Variants in CADPS observed in about 807,000 individuals in gnomAD.
CADPS encodes calcium dependent secretion activator.
In CADPS, 57 loss-of-function variants were observed where a neutral mutation model predicts 167.3. The observed-to-expected ratio is 0.34, with a 90% CI of 0.28 to 0.42. The LOEUF is 0.42. CADPS is among the 20% of genes least tolerant of loss of function. The probability of loss-of-function intolerance (pLI) is 1.00; values close to 1 mark genes in which losing one functional copy is unlikely to be tolerated. For synonymous variants in CADPS, 676 were observed against 635.3 expected, an observed-to-expected ratio of 1.06 and a Z score of -0.96; for missense variants, 1,414 against 1,738.1, an observed-to-expected ratio of 0.81 and a Z score of 3.32.
intron 11 of CADPS, among the ~76,000 whole-genome samples, chr3:62,540,419 G>A (rs2075491145): frequency 6.6e-6 from 1 of 151,986 alleles, no homozygotes; most frequent in Non-Finnish European, 1.5e-5. Flanking sequence ...AGAGGAGCCA[G>A]GTCCTCAGGA....
At chr3:62,491,557 AAACACACACACACACACAC>A in intron 20 of CADPS, 77 bp from the exon 21 acceptor site, 1 of 911,812 alleles carries the variant, frequency 1.1e-6, no homozygotes, top group Non-Finnish European at 1.6e-6. Context: ...ACACACACAC[AAACACACACACACACACAC>A]ACACACACAG....
chr3:62,495,030 T>C (rs1015747519), intron 18 of CADPS, among the ~76,000 whole-genome samples: 1 of 152,150 alleles, frequency 6.6e-6, no homozygotes, highest in Non-Finnish European at 1.5e-5. Flanking sequence ...CTACGATCTA[T>C]AGAGAACTTC....
chr3:62,708,117 G>A (rs532766374), intron 3 of CADPS, among the ~76,000 whole-genome samples: 1 of 151,924 alleles, frequency 6.6e-6, no homozygotes, highest in Non-Finnish European at 1.5e-5. Flanking sequence ...TAGAGGTGAA[G>A]TCTCACCTGT....
intron 24 of CADPS, among the ~76,000 whole-genome samples, chr3:62,470,133 A>C (rs1192664202): frequency 6.6e-6 from 1 of 152,234 alleles, no homozygotes; most frequent in Non-Finnish European, 1.5e-5. Context: ...TTTTAATGAA[A>C]AAAATAAATA....
chr3:62,595,752 G>T lies in CADPS; in HGVS notation c.1326-3004C>A, dbSNP rs538652450. On this transcript the variant is annotated intron_variant, in intron 6 of 29. Transcript: ENST00000383710. ...AGGATACAAAGTACTAATCCTGGGTGTGTTTGTGTGGGTGTTGCCAAAAGA... is the reference window on the plus strand; with the variant it reads ...AGGATACAAAGTACTAATCCTGGGTTTGTTTGTGTGGGTGTTGCCAAAAGA... Among the ~76,000 whole-genome samples the T allele has an allele frequency of 5.3e-5, 8 of 152,326 alleles. No individual in the cohort carries two copies. In the South Asian group the frequency reaches 1.7e-3, roughly 32 times the overall value.
intron 4 of CADPS, among the ~76,000 whole-genome samples, chr3:62,659,801 A>G (rs1048548700): frequency 2.0e-5 from 3 of 152,208 alleles, no homozygotes; most frequent in African/African-American, 7.2e-5. Context: ...AGTTAGCTAT[A>G]TAGCAAGGGG....
intron 3 of CADPS, among the ~76,000 whole-genome samples, chr3:62,752,316 T>C (rs1428851606): frequency 1.3e-5 from 2 of 152,238 alleles, no homozygotes; most frequent in African/African-American, 4.8e-5. Context: ...AAAAAACCTT[T>C]CATCTCCAGA....
intron 17 of CADPS, among the ~76,000 whole-genome samples, chr3:62,501,881 C>T (rs2065827838): frequency 6.6e-6 from 1 of 152,212 alleles, no homozygotes; most frequent in Non-Finnish European, 1.5e-5. Context: ...TGTGCATGTG[C>T]ATGCAGCCAT....
intron 9 of CADPS, among the ~76,000 whole-genome samples, chr3:62,565,623 C>T (rs1243813692): frequency 6.6e-6 from 1 of 152,206 alleles, no homozygotes; most frequent in Non-Finnish European, 1.5e-5. Flanking sequence ...GACACTCTCT[C>T]ATTGCACAGG....
At chr3:62,740,863 G>A (rs1470904162) in intron 3 of CADPS, among the ~76,000 whole-genome samples, 6 of 152,110 alleles carry the variant, frequency 3.9e-5, no homozygotes, top group African/African-American at 7.2e-5. Context: ...AGGTTACATC[G>A]ATAATAAATA....
chr3:62,411,601 C>A (rs1034988296), intron 28 of CADPS, among the ~76,000 whole-genome samples: 9 of 152,208 alleles, frequency 5.9e-5, no homozygotes, highest in African/African-American at 9.7e-5. Flanking sequence ...ACACTTCCAC[C>A]AAAGTCCCTG....
At chr3:62,636,511 C>G (rs2066334945) in intron 6 of CADPS, among the ~76,000 whole-genome samples, 1 of 152,152 alleles carries the variant, frequency 6.6e-6, no homozygotes, top group Admixed American at 6.5e-5. Context: ...CACCAGAGCT[C>G]TAGAAATTTC....
At chr3:62,657,182 A>C (rs1281410712) in intron 4 of CADPS, among the ~76,000 whole-genome samples, 1 of 152,220 alleles carries the variant, frequency 6.6e-6, no homozygotes, top group Non-Finnish European at 1.5e-5. Flanking sequence ...CTTTTCCATC[A>C]GATAAATATT....
At chr3:62,452,421 G>C (rs879361410) in intron 26 of CADPS, among the ~76,000 whole-genome samples, 1 of 152,194 alleles carries the variant, frequency 6.6e-6, no homozygotes, top group Non-Finnish European at 1.5e-5. Flanking sequence ...CATAAGGCTA[G>C]TGACTATTTT....
chr3:62,719,010 C>T (rs1329941295), intron 3 of CADPS, among the ~76,000 whole-genome samples: 1 of 152,186 alleles, frequency 6.6e-6, no homozygotes, highest in Non-Finnish European at 1.5e-5. Flanking sequence ...AATCAGAAGG[C>T]CTTCCAAACA....
At chr3:62,488,287 C>A (rs1172511785) in intron 21 of CADPS, among the ~76,000 whole-genome samples, 2 of 152,116 alleles carry the variant, frequency 1.3e-5, no homozygotes, top group African/African-American at 4.8e-5. Context: ...CACTTTATTT[C>A]TATTCACGTT....
intron 1 of CADPS, among the ~76,000 whole-genome samples, chr3:62,822,040 G>A (rs2094945755): frequency 1.3e-5 from 2 of 152,136 alleles, no homozygotes; most frequent in Non-Finnish European, 2.9e-5. Context: ...CAGTGTTGGT[G>A]CATCAAATCC....
intron 28 of CADPS, among the ~76,000 whole-genome samples, chr3:62,417,025 A>G (rs1394117916): frequency 1.3e-5 from 2 of 151,892 alleles, no homozygotes; most frequent in Admixed American, 1.3e-4. Context: ...AGCTGGGACT[A>G]CAGGCGTGCA....
At chr3:62,589,080 TA>T (rs1378810017) in intron 7 of CADPS, among the ~76,000 whole-genome samples, 1 of 149,700 alleles carries the variant, frequency 6.7e-6, no homozygotes, top group Non-Finnish European at 1.5e-5. Context: ...AATTTTTTTT[TA>T]ATTAAAAAGG....
Sources: gnomAD v4.1 joint callset for allele counts (sites outside exome capture counted in the v4.1 genomes callset) on GRCh38, gnomAD v4.1.1 for gene constraint, MANE v1.5 for transcripts, NCBI Gene and HGNC (gene_info 2026-07-23, HGNC 2026-07-21) for gene names.